Variants in NCDN observed in about 807,000 individuals in gnomAD.
NCDN encodes norbin.
A neutral mutation model predicts 60.7 loss-of-function variants in NCDN; 9 were observed. The ratio of observed to expected loss-of-function variants is 0.15; its 90% CI spans 0.09 to 0.26. The LOEUF is 0.26. NCDN is among the 10% of genes least tolerant of loss of function. The probability of loss-of-function intolerance (pLI) is 1.00; values close to 1 mark genes in which losing one functional copy is unlikely to be tolerated. For synonymous variants in NCDN, 409 were observed against 442.5 expected, an observed-to-expected ratio of 0.92 and a Z score of 0.95; for missense variants, 578 against 975.2, an observed-to-expected ratio of 0.59 and a Z score of 5.42.
rs1230382966 is a variant in NCDN at position 35,557,870 on chromosome 1, G to C, written c.-321G>C. The C allele has an allele frequency of 1.3e-5, 8 of 609,602 alleles. 1 individual carries two copies. The highest frequency in any genetic ancestry group is 9.1e-5 in the African/African-American group (5 of 55,128). The allele number at this position is 609,602 out of a possible 1,614,324, so 37.8% of individuals were successfully genotyped here. A position where few individuals can be genotyped will look rare whatever the true frequency, so the allele number is the denominator to read the frequency against. ...GCGCTGGGAGAAGACTTCGCCGCTC[G>C]GGGCCGCAGCCTGGTGAGCTCAGCC... On this transcript the variant is annotated 5_prime_UTR_variant, in exon 1 of 7. Coordinates refer to ENST00000373243, the MANE Select transcript of NCDN (RefSeq NM_014284.3).
At position 35,565,241 on chromosome 1, in the gene NCDN, C is replaced by G. The variant is rs1648833506; in HGVS notation, c.1768C>G (p.Pro590Ala). The G allele has an allele frequency of 1.2e-6, 2 of 1,609,146 alleles. No individual in the cohort carries two copies. The highest frequency in any genetic ancestry group is 2.7e-5 in the African/African-American group (2 of 75,018). Reference protein sequence around the residue: ...LSTSPALQGTPASRGFFAAAI... With the variant: ...LSTSPALQGTAASRGFFAAAI... ...TTACCTTGCAGCTCTTCAGGGAACA[C>G]CAGCATCCCGAGGGTTCTTCGCAGC... The change falls in exon 7 of 7, where the codon CCA becomes GCA. Residue 590 changes from proline (P) to alanine (A), a missense_variant. By Grantham distance (27) the Pro-to-Ala change is conservative. Coordinates refer to ENST00000373243, the MANE Select transcript of NCDN (RefSeq NM_014284.3). The surrounding 1 kb of genome is among the most constrained non-coding windows in gnomAD (Gnocchi z 8.9).
At position 35,558,408 on chromosome 1, in the gene NCDN, A is replaced by AT; in HGVS notation, c.33+185_33+186insT. On this transcript the variant is annotated intron_variant, in intron 1 of 6. Coordinates refer to ENST00000373243, the MANE Select transcript of NCDN (RefSeq NM_014284.3). The surrounding 1 kb of genome is among the most constrained non-coding windows in gnomAD (Gnocchi z 6.3). ...GGGGAGGGCGAGAAGAGGGAGCGCA[A>AT]GGGGTTAATTCTGCTGCTGCCGCCG... 6.8e-7 allele frequency: 1 copy of AT among 1,470,742 alleles called. No homozygotes were observed. The allele number at this position is 1,470,742 out of a possible 1,614,324, so 91.1% of individuals were successfully genotyped here. A position where few individuals can be genotyped will look rare whatever the true frequency, so the allele number is the denominator to read the frequency against.
chr1:35,564,025 A>C, intron 6 of NCDN, 116 bp downstream of exon 6: 1 of 1,290,730 alleles, frequency 7.7e-7, no homozygotes, highest in Non-Finnish European at 1.0e-6. Context: ...TTTCTAAGCA[A>C]GAGGAAATCT....
Position 35,563,926 on chromosome 1 carries a change from C to T in NCDN, c.1753+17C>T. ...CCTCTCCAGGTAAGAACTGGGGATC[C>T]AGTCCTGATGGGTGAGGACAGAAGA... On this transcript the variant is annotated intron_variant, in intron 6 of 6. Transcript: ENST00000373243. This position sits in a 1 kb window ranked among gnomAD's most constrained non-coding sequence, Gnocchi z 6.6. 6.2e-7 allele frequency: 1 copy of T among 1,611,380 alleles called. No individual in the cohort carries two copies. Among genetic ancestry groups the T allele is most frequent in the Non-Finnish European group, 8.5e-7 (1 of 1,178,586 alleles).
rs1454920656 is a variant in NCDN, at chr1:35,562,914, A to G, written c.1385+281A>G. On this transcript the variant is annotated intron_variant, in intron 4 of 6. Transcript: ENST00000373243. This position sits in a 1 kb window ranked among gnomAD's most constrained non-coding sequence, Gnocchi z 6.8. ...CTATACCCTTTACCAAAATGATCTC[A>G]TTTGGTCCACGTGGTAAATATAACA... Among the ~76,000 whole-genome samples, 2 of 152,172 alleles carry G rather than the reference A, an allele frequency of 1.3e-5. No homozygotes were observed. The highest frequency in any genetic ancestry group is 2.9e-5 in the Non-Finnish European group (2 of 68,026).
In NCDN at chr1:35,560,521, C is replaced by T. The variant is rs1273629300; in HGVS notation, c.370C>T (p.Pro124Ser). 2 of 1,613,934 alleles carry T rather than the reference C, an allele frequency of 1.2e-6. No homozygotes were observed. Among genetic ancestry groups the T allele is most frequent in the Non-Finnish European group, 1.7e-6 (2 of 1,180,034 alleles). Residue 124 changes from proline (P) to serine (S), a missense_variant, in exon 3 of 7, where the codon CCC becomes TCC. Pro to Ser is a moderately conservative substitution (Grantham distance 74). Coordinates refer to ENST00000373243, the MANE Select transcript of NCDN (RefSeq NM_014284.3). This position sits in a 1 kb window ranked among gnomAD's most constrained non-coding sequence, Gnocchi z 7.6. ...FCSDPELAAH[P>S]QVLNKIPILS... ...CAGTGACCCTGAACTGGCCGCCCATCCCCAAGTCCTGAACAAGATTCCCAT... is the reference window on the plus strand; with the variant it reads ...CAGTGACCCTGAACTGGCCGCCCATTCCCAAGTCCTGAACAAGATTCCCAT...
In NCDN at chr1:35,558,507, T is replaced by C; in HGVS notation, c.33+284T>C. 4 of 1,375,576 alleles carry C rather than the reference T, an allele frequency of 2.9e-6. No individual in the cohort carries two copies. Among genetic ancestry groups the C allele is most frequent in the East Asian group, 2.8e-5 (1 of 35,862 alleles). The allele number at this position is 1,375,576 out of a possible 1,614,324, so 85.2% of individuals were successfully genotyped here. ...GAGGCAAGGAGCCTGCGGGGGCGACTGAGAGCCCTGGCTGGAGGGGTGGGG... is the reference window on the plus strand; with the variant it reads ...GAGGCAAGGAGCCTGCGGGGGCGACCGAGAGCCCTGGCTGGAGGGGTGGGG... On this transcript the variant is annotated intron_variant, in intron 1 of 6. Transcript: ENST00000373243. The surrounding 1 kb of genome is among the most constrained non-coding windows in gnomAD (Gnocchi z 6.3).
At position 35,562,667 on chromosome 1, in the gene NCDN, C is replaced by A; in HGVS notation, c.1385+34C>A. 1.3e-6 allele frequency: 2 copies of A among 1,589,202 alleles called. No homozygotes were observed. Among genetic ancestry groups the A allele is most frequent in the South Asian group, 1.1e-5 (1 of 87,798 alleles). ...GTAGTTACAGTCTGTCCAGCTAGAT[C>A]ATTCTACCGAAAAGCGTTAACACAA... is the stretch of plus-strand genomic sequence containing the variant. On this transcript the variant is annotated intron_variant, in intron 4 of 6. Coordinates refer to ENST00000373243, the MANE Select transcript of NCDN (RefSeq NM_014284.3). The surrounding 1 kb of genome is among the most constrained non-coding windows in gnomAD (Gnocchi z 6.8).
intron 6 of NCDN, among the ~76,000 whole-genome samples, chr1:35,564,629 G>A (rs1479551179): frequency 6.6e-6 from 1 of 152,148 alleles, no homozygotes; most frequent in Non-Finnish European, 1.5e-5. Flanking sequence ...TACACCAGGA[G>A]CCCACTCTGC....
In NCDN at chr1:35,563,763, C is replaced by G; in HGVS notation, c.1611-4C>G. Reference sequence around the variant, plus strand: ...CCTCCATCCTTCCCCCCTTTCTTTTCCAGGCGTGACGCCTGCTTCACATCT... The same window carrying G: ...CCTCCATCCTTCCCCCCTTTCTTTTGCAGGCGTGACGCCTGCTTCACATCT... On this transcript the variant is annotated splice_polypyrimidine_tract_variant and splice_region_variant and intron_variant, in intron 5 of 6. Coordinates refer to ENST00000373243, the MANE Select transcript of NCDN (RefSeq NM_014284.3). The surrounding 1 kb of genome is among the most constrained non-coding windows in gnomAD (Gnocchi z 6.6). The G allele has an allele frequency of 6.2e-7, 1 of 1,613,380 alleles. No individual in the cohort carries two copies. Among genetic ancestry groups the G allele is most frequent in the South Asian group, 1.1e-5 (1 of 91,014 alleles).
At position 35,562,958 on chromosome 1, in the gene NCDN, G is replaced by A. The variant is rs1648752249; in HGVS notation, c.1386-244G>A. The stretch of plus-strand genomic sequence containing the variant: ...TATAACAGAAGTCTCATTCACATAT[G>A]AAAGATTAGGAAACTGAGGCTCATA... On this transcript the variant is annotated intron_variant, in intron 4 of 6. Coordinates refer to ENST00000373243, the MANE Select transcript of NCDN (RefSeq NM_014284.3). This position sits in a 1 kb window ranked among gnomAD's most constrained non-coding sequence, Gnocchi z 6.8. 2.0e-5 allele frequency among the ~76,000 whole-genome samples: 3 copies of A among 152,206 alleles called. No individual in the cohort carries two copies. The highest frequency in any genetic ancestry group is 2.0e-4 in the Admixed American group (3 of 15,282).
chr1:35,558,136 A>G lies in NCDN; in HGVS notation c.-55A>G. 1 of 1,611,058 alleles carries G rather than the reference A, an allele frequency of 6.2e-7. No individual in the cohort carries two copies. The highest frequency in any genetic ancestry group is 8.5e-7 in the Non-Finnish European group (1 of 1,178,134). ...GATTTTGACGTGATCTCTCCGTGACATCACCGCGCCATCGTGAAGTGTGAT... is the reference window on the plus strand; with the variant it reads ...GATTTTGACGTGATCTCTCCGTGACGTCACCGCGCCATCGTGAAGTGTGAT... On this transcript the variant is annotated 5_prime_UTR_variant, in exon 1 of 7. Coordinates refer to ENST00000373243, the MANE Select transcript of NCDN (RefSeq NM_014284.3). The surrounding 1 kb of genome is among the most constrained non-coding windows in gnomAD (Gnocchi z 6.3).
At position 35,560,916 on chromosome 1, in the gene NCDN, T is replaced by C. The variant is rs754905733; in HGVS notation, c.765T>C (p.Pro255=). The change falls in exon 3 of 7, where the codon CCT becomes CCC. Residue 255 remains proline (P), a synonymous_variant. Transcript: ENST00000373243. The surrounding 1 kb of genome is among the most constrained non-coding windows in gnomAD (Gnocchi z 7.6). ...TTTTGCCCCCGACAACCGTGCCCCC[T>C]GAATGCTACCGGGATCTGCAGGCCG... The part of the protein sequence containing the change: ...PLFLPPTTVP[P]ECYRDLQAGL... 5 of 1,613,990 alleles carry C rather than the reference T, an allele frequency of 3.1e-6. No homozygotes were observed. The African/African-American group carries it at 5.3e-5, about 17-fold the overall frequency.
Position 35,565,677 on chromosome 1 carries a change from G to A in NCDN, c.*14G>A, listed in dbSNP as rs1305882763. The A allele has an allele frequency of 3.3e-6, 5 of 1,537,570 alleles. No individual in the cohort carries two copies. The South Asian group carries it at 4.7e-5, about 15-fold the overall frequency. ...TCAGAGCCCTGAGGGGTGTCCACCGGGGACAGACCCAGGGGCGGGCAGAGA... is the reference window on the plus strand; with the variant it reads ...TCAGAGCCCTGAGGGGTGTCCACCGAGGACAGACCCAGGGGCGGGCAGAGA... On this transcript the variant is annotated 3_prime_UTR_variant, in exon 7 of 7. Coordinates refer to ENST00000373243, the MANE Select transcript of NCDN (RefSeq NM_014284.3). The surrounding 1 kb of genome is among the most constrained non-coding windows in gnomAD (Gnocchi z 8.9).
chr1:35,558,655 GC>G lies in NCDN; in HGVS notation c.33+434del. The G allele has an allele frequency of 8.8e-7, 1 of 1,140,260 alleles. No homozygotes were observed. Among genetic ancestry groups the G allele is most frequent in the Non-Finnish European group, 1.1e-6 (1 of 924,744 alleles). 70.6% of individuals were successfully genotyped at this position (1,140,260 alleles called of 1,614,324 possible). Reference sequence around the variant, plus strand: ...TGGGGTGTCCTTTTCTCCCATGTCAGCCTGAGTCCGGATAATCGAACTTCAC... The same window carrying G: ...TGGGGTGTCCTTTTCTCCCATGTCAGCTGAGTCCGGATAATCGAACTTCAC... On this transcript the variant is annotated intron_variant, in intron 1 of 6. Transcript: ENST00000373243. The surrounding 1 kb of genome is among the most constrained non-coding windows in gnomAD (Gnocchi z 6.3).
intron 6 of NCDN, among the ~76,000 whole-genome samples, chr1:35,564,304 T>A (rs754471757): frequency 3.9e-5 from 6 of 152,140 alleles, no homozygotes; most frequent in Admixed American, 3.9e-4. Flanking sequence ...CTCACCCCCA[T>A]CAGTGACAGC....
At position 35,558,640 on chromosome 1, in the gene NCDN, T is replaced by C; in HGVS notation, c.33+417T>C. The C allele has an allele frequency of 8.8e-7, 1 of 1,142,618 alleles. No individual in the cohort carries two copies. Among genetic ancestry groups the C allele is most frequent in the East Asian group, 5.3e-5 (1 of 18,720 alleles). 70.8% of individuals were successfully genotyped at this position (1,142,618 alleles called of 1,614,324 possible). A position where few individuals can be genotyped will look rare whatever the true frequency, so the allele number is the denominator to read the frequency against. Reference sequence around the variant, plus strand: ...AGGGGAAAGGAAGCCTGGGGTGTCCTTTTCTCCCATGTCAGCCTGAGTCCG... The same window carrying C: ...AGGGGAAAGGAAGCCTGGGGTGTCCCTTTCTCCCATGTCAGCCTGAGTCCG... On this transcript the variant is annotated intron_variant, in intron 1 of 6. Coordinates refer to ENST00000373243, the MANE Select transcript of NCDN (RefSeq NM_014284.3). This position sits in a 1 kb window ranked among gnomAD's most constrained non-coding sequence, Gnocchi z 6.3.
Position 35,559,366 on chromosome 1 carries a change from C to T in NCDN, c.174+119C>T, listed in dbSNP as rs1414467889. The T allele has an allele frequency of 6.7e-6, 9 of 1,334,488 alleles. No homozygotes were observed. The East Asian group carries it at 9.6e-5, about 14-fold the overall frequency. 82.7% of individuals were successfully genotyped at this position (1,334,488 alleles called of 1,614,324 possible). On this transcript the variant is annotated intron_variant, in intron 2 of 6. Coordinates refer to ENST00000373243, the MANE Select transcript of NCDN (RefSeq NM_014284.3). The stretch of plus-strand genomic sequence containing the variant: ...GTGCTAGCAACCCTGGAGGCACCAA[C>T]GAAGGCCCAAGACCCCTACCTTTGT...
At position 35,562,396 on chromosome 1, in the gene NCDN, G is replaced by T; in HGVS notation, c.1148G>T (p.Gly383Val). The T allele has an allele frequency of 6.2e-7, 1 of 1,613,932 alleles. No individual in the cohort carries two copies. The highest frequency in any genetic ancestry group is 2.2e-5 in the East Asian group (1 of 44,890). The change falls in exon 4 of 7, where the codon GGG (glycine) becomes GTG (valine). Residue 383 changes from glycine (G) to valine (V), a missense_variant. This residue lies in a region of NCDN where 363 missense variants were observed against 583.6 expected (regional missense o/e 0.62). Transcript: ENST00000373243. This position sits in a 1 kb window ranked among gnomAD's most constrained non-coding sequence, Gnocchi z 6.8. ...GAVIHYLLQV[G>V]SEKQKEPFVF... The stretch of plus-strand genomic sequence containing the variant: ...AAGGGGGTCCTGTGGCAACAGGTGG[G>T]GTCAGAGAAGCAGAAGGAGCCCTTT...
Sources: allele counts gnomAD v4.1 joint callset (sites outside exome capture counted in the v4.1 genomes callset), GRCh38; gene constraint gnomAD v4.1.1; regional missense constraint gnomAD v4.1.1; non-coding constraint Gnocchi (gnomAD v3.1); transcripts MANE v1.5; gene names NCBI Gene and HGNC (gene_info 2026-07-23, HGNC 2026-07-21).